ADCY3: variants seen among roughly 807,000 people sequenced by gnomAD.
The protein encoded by ADCY3 is adenylate cyclase 3.
ADCY3 carries 70 observed loss-of-function variants against 119.4 expected under a neutral mutation model. The observed-to-expected ratio is 0.59, with a 90% CI of 0.48 to 0.72. The LOEUF (loss-of-function observed/expected upper bound fraction) is 0.72, where lower values mean the gene tolerates loss of function less well. Among genes scored for constraint, ADCY3 ranks in the 30% least tolerant of loss-of-function variants. The pLI is 0.00. For missense variants in ADCY3, 1,238 were observed against 1,541.6 expected (o/e 0.80, Z 3.30); for synonymous variants, 672 against 621.4 (o/e 1.08, Z -1.21).
intron 3 of ADCY3, among the ~76,000 whole-genome samples, chr2:24,856,068 G>A (rs1672958057): frequency 6.6e-6 from 1 of 152,234 alleles, no homozygotes; most frequent in South Asian, 2.1e-4. Context: ...TTGGATAAAT[G>A]AGGTTGGCTG....
intron 2 of ADCY3, among the ~76,000 whole-genome samples, chr2:24,894,795 G>A (rs1678073477): frequency 6.6e-6 from 1 of 151,812 alleles, no homozygotes; most frequent in South Asian, 2.1e-4. Flanking sequence ...CTACAGGTCT[G>A]CTGGTTACGA....
intron 2 of ADCY3, among the ~76,000 whole-genome samples, chr2:24,876,915 G>A (rs965230155): frequency 5.3e-5 from 8 of 152,184 alleles, no homozygotes; most frequent in African/African-American, 1.9e-4. Flanking sequence ...TCCAAGGTAC[G>A]AGTGAGAAGT....
intron 3 of ADCY3, among the ~76,000 whole-genome samples, chr2:24,854,171 A>G (rs1188420110): frequency 6.6e-6 from 1 of 152,190 alleles, no homozygotes; most frequent in East Asian, 1.9e-4. Context: ...CGGACTGTGG[A>G]AAAAGGACCC....
At chr2:24,821,983 G>T in intron 19 of ADCY3, 1 of 267,498 alleles carries the variant, frequency 3.7e-6, no homozygotes, top group Non-Finnish European at 7.1e-6. Flanking sequence ...ATAAGCACTG[G>T]AGGGGGATGA....
intron 3 of ADCY3, among the ~76,000 whole-genome samples, chr2:24,853,262 G>A (rs1263761122): frequency 2.0e-5 from 3 of 152,078 alleles, no homozygotes; most frequent in Admixed American, 6.5e-5. Flanking sequence ...GACGTATGGC[G>A]ACCTTGCCCC....
intron 3 of ADCY3, among the ~76,000 whole-genome samples, chr2:24,862,555 A>AAT (rs1553348953): frequency 1.3e-5 from 2 of 151,686 alleles, no homozygotes; most frequent in Non-Finnish European, 2.9e-5. Flanking sequence ...CAAAAAAAAA[A>AAT]AATTAATTAA....
At chr2:24,820,389 A>T (rs1195231903) in intron 21 of ADCY3, 4 of 1,310,306 alleles carry the variant, frequency 3.1e-6, no homozygotes, top group Non-Finnish European at 3.9e-6. Context: ...GTTACCTGGA[A>T]ACTGCCACTG....
intron 9 of ADCY3, among the ~76,000 whole-genome samples, chr2:24,836,424 G>A (rs541851091): frequency 7.2e-5 from 11 of 152,344 alleles, no homozygotes; most frequent in Non-Finnish European, 1.2e-4. Context: ...CAGACGCCCT[G>A]CGGTCAGGGA....
intron 2 of ADCY3, among the ~76,000 whole-genome samples, chr2:24,884,191 G>A (rs181595426): frequency 6.6e-6 from 1 of 151,968 alleles, no homozygotes; most frequent in African/African-American, 2.4e-5. Flanking sequence ...AGTGTTTCTG[G>A]GCCAGGTGCA....
rs1670415281 is a variant in ADCY3 at position 24,837,129 on chromosome 2, G to A, written c.1534-84C>T. On this transcript the variant is annotated intron_variant, in intron 8 of 21. Transcript: ENST00000679454. ...GTCTGGAAGTGACAAGGGCGTGGGA[G>A]GCGGTGGGATTAGAGAGCAATCTGA... The A allele has an allele frequency of 2.0e-6, 3 of 1,479,284 alleles. No individual in the cohort carries two copies. In the Admixed American group the frequency reaches 6.4e-5, roughly 32 times the overall value. 91.6% of individuals were successfully genotyped at this position (1,479,284 alleles called of 1,614,324 possible).
At chr2:24,847,362 T>C (rs1368906931) in intron 3 of ADCY3, among the ~76,000 whole-genome samples, 1 of 152,232 alleles carries the variant, frequency 6.6e-6, no homozygotes, top group Non-Finnish European at 1.5e-5. Context: ...CTTCCCAATC[T>C]TGAGTATGTC....
chr2:24,837,345 TGTACAAATGGAGAC>T lies in ADCY3; in HGVS notation c.1534-314_1534-301del, dbSNP rs978167993. ...GGTGGCATTTAAGATACCTATTATATGTACAAATGGAGACGTACAAGTGGCTGTATGTTGAGTGC... is the reference window on the plus strand; with the variant it reads ...GGTGGCATTTAAGATACCTATTATATGTACAAGTGGCTGTATGTTGAGTGC... On this transcript the variant is annotated intron_variant, in intron 8 of 21. Coordinates refer to ENST00000679454, the MANE Select transcript of ADCY3 (RefSeq NM_004036.5). Among the ~76,000 whole-genome samples the T allele has an allele frequency of 4.1e-4, 63 of 152,284 alleles. 1 individual carries two copies. The highest frequency in any genetic ancestry group is 6.8e-3 in the Middle Eastern group (2 of 294).
In ADCY3 at chr2:24,898,941, T is replaced by C. The variant is rs944622704; in HGVS notation, c.675+19372A>G. On this transcript the variant is annotated intron_variant, in intron 2 of 21. Transcript: ENST00000679454. The surrounding 1 kb of genome is among the most constrained non-coding windows in gnomAD (Gnocchi z 4.3). ...ACCACGGCAGGTGACCTGCCCTCCC[T>C]CCAGCTCCACCACCATTCTCCCTGT... Among the ~76,000 whole-genome samples, 8 of 152,082 alleles carry C rather than the reference T, an allele frequency of 5.3e-5. No individual in the cohort carries two copies. The highest frequency in any genetic ancestry group is 8.8e-5 in the Non-Finnish European group (6 of 67,990).
intron 21 of ADCY3, 39 bp from the exon 22 acceptor site, chr2:24,820,153 G>T: frequency 6.6e-7 from 1 of 1,504,582 alleles, no homozygotes; most frequent in South Asian, 1.3e-5. Context: ...GCGTTACGGG[G>T]GGAGCCTAGA....
chr2:24,833,396 A>G (rs770955198), intron 11 of ADCY3, among the ~76,000 whole-genome samples: 4 of 152,194 alleles, frequency 2.6e-5, no homozygotes, highest in Non-Finnish European at 5.9e-5. Flanking sequence ...AGATAGGAGA[A>G]GGCTCGCCCC....
Position 24,882,855 on chromosome 2 carries a change from G to A in ADCY3, c.676-10136C>T, listed in dbSNP as rs189474416. Among the ~76,000 whole-genome samples, 372 of 152,052 alleles carry A rather than the reference G, an allele frequency of 2.4e-3. 1 individual carries two copies. Among genetic ancestry groups the A allele is most frequent in the African/African-American group, 6.9e-3 (286 of 41,452 alleles). ...GTGGATCGCCTGAGGTCAGGAGTTCGAGACCAGCCTGGGCAACTTGGTGAA... is the reference window on the plus strand; with the variant it reads ...GTGGATCGCCTGAGGTCAGGAGTTCAAGACCAGCCTGGGCAACTTGGTGAA... On this transcript the variant is annotated intron_variant, in intron 2 of 21. Coordinates refer to ENST00000679454, the MANE Select transcript of ADCY3 (RefSeq NM_004036.5).
chr2:24,842,430 G>A lies in ADCY3; in HGVS notation c.826-46C>T. Reference sequence around the variant, plus strand: ...TCAGAGGCAAAGGTAGGCCCTGCTAGAGGCAAGTTCAGATACTTCTGGGAA... The same window carrying A: ...TCAGAGGCAAAGGTAGGCCCTGCTAAAGGCAAGTTCAGATACTTCTGGGAA... On this transcript the variant is annotated intron_variant, in intron 3 of 21. Coordinates refer to ENST00000679454, the MANE Select transcript of ADCY3 (RefSeq NM_004036.5). This position sits in a 1 kb window ranked among gnomAD's most constrained non-coding sequence, Gnocchi z 4.9. 1 of 1,612,182 alleles carries A rather than the reference G, an allele frequency of 6.2e-7. No homozygotes were observed. Among genetic ancestry groups the A allele is most frequent in the Non-Finnish European group, 8.5e-7 (1 of 1,179,050 alleles).
At chr2:24,900,272 G>A (rs1380181118) in intron 2 of ADCY3, among the ~76,000 whole-genome samples, 1 of 146,294 alleles carries the variant, frequency 6.8e-6, no homozygotes, top group East Asian at 2.1e-4. Flanking sequence ...CACCACCCAG[G>A]AGGCGAAGGT....
Position 24,842,026 on chromosome 2 carries a change from T to C in ADCY3, c.956+228A>G, listed in dbSNP as rs1488563971. The stretch of plus-strand genomic sequence containing the variant: ...GACCTCACAGGAGTCCCTTCCCCGC[T>C]CCAGGTGATATCTGTTCTATGATGG... On this transcript the variant is annotated intron_variant, in intron 4 of 21. Coordinates refer to ENST00000679454, the MANE Select transcript of ADCY3 (RefSeq NM_004036.5). The surrounding 1 kb of genome is among the most constrained non-coding windows in gnomAD (Gnocchi z 4.9). Among the ~76,000 whole-genome samples the C allele has an allele frequency of 6.6e-6, 1 of 152,164 alleles. No homozygotes were observed. The highest frequency in any genetic ancestry group is 1.9e-4 in the East Asian group (1 of 5,192).
Sources: gnomAD v4.1 joint callset for allele counts (sites outside exome capture counted in the v4.1 genomes callset) on GRCh38, gnomAD v4.1.1 for gene constraint, Gnocchi (gnomAD v3.1) non-coding constraint, MANE v1.5 for transcripts, NCBI Gene and HGNC (gene_info 2026-07-23, HGNC 2026-07-21) for gene names.